QSOX2: variants seen among roughly 807,000 people sequenced by gnomAD.
QSOX2 encodes quiescin sulfhydryl oxidase 2.
QSOX2 carries 46 observed loss-of-function variants against 61.7 expected under a neutral mutation model. The ratio of observed to expected loss-of-function variants is 0.75; its 90% CI spans 0.59 to 0.95. QSOX2 has a LOEUF of 0.95. Among genes scored for constraint, QSOX2 ranks in the 40% least tolerant of loss-of-function variants. The pLI is 0.00. For synonymous variants in QSOX2, 383 were observed against 388.4 expected, an observed-to-expected ratio of 0.99 and a Z score of 0.16; for missense variants, 879 against 918.9, an observed-to-expected ratio of 0.96 and a Z score of 0.56.
At chr9:136,235,263 G>A (rs927901377) in intron 1 of QSOX2, among the ~76,000 whole-genome samples, 2 of 152,256 alleles carry the variant, frequency 1.3e-5, no homozygotes, top group African/African-American at 4.8e-5. Context: ...CCGGAGGAGG[G>A]CCAGGACCAA....
In QSOX2 at chr9:136,207,680, C is replaced by A. The variant is rs1211413563; in HGVS notation, c.*1048G>T. The A allele has an allele frequency of 6.6e-6, 1 of 152,412 alleles. No homozygotes were observed. Among genetic ancestry groups the A allele is most frequent in the Non-Finnish European group, 1.5e-5 (1 of 68,086 alleles). The allele number at this position is 152,412 out of a possible 1,614,324, so 9.4% of individuals were successfully genotyped here. On this transcript the variant is annotated 3_prime_UTR_variant, in exon 12 of 12. Transcript: ENST00000358701. ...CAGGCAAAGGAAGCCTGGCCCCCTC[C>A]GTGGGCCGAGTGAGATGCTTGTGTG...
At chr9:136,220,927 G>A (rs1250960368) in intron 6 of QSOX2, among the ~76,000 whole-genome samples, 1 of 152,120 alleles carries the variant, frequency 6.6e-6, no homozygotes, top group African/African-American at 2.4e-5. Context: ...AGGCTGGTCT[G>A]GAACTCCTAG....
intron 1 of QSOX2, among the ~76,000 whole-genome samples, chr9:136,241,239 C>T (rs1830431221): frequency 6.6e-6 from 1 of 152,224 alleles, no homozygotes; most frequent in Non-Finnish European, 1.5e-5. Flanking sequence ...CACTGCCCAA[C>T]TCTTCCTCCT....
At chr9:136,210,774 T>C in intron 11 of QSOX2, 1 of 985,342 alleles carries the variant, frequency 1.0e-6, no homozygotes, top group Non-Finnish European at 1.2e-6. Context: ...AATCTGCCAC[T>C]GATTTAGGAA....
chr9:136,223,718 C>T lies in QSOX2; in HGVS notation c.675+45G>A. On this transcript the variant is annotated intron_variant, in intron 5 of 11. Transcript: ENST00000358701. The surrounding 1 kb of genome is among the most constrained non-coding windows in gnomAD (Gnocchi z 4.4). ...CTCATCACAGATCCACCGCCAACCC[C>T]AATCACACCACGTGTGACACCTGGA... The T allele has an allele frequency of 6.7e-7, 1 of 1,499,272 alleles. No individual in the cohort carries two copies. The highest frequency in any genetic ancestry group is 9.3e-7 in the Non-Finnish European group (1 of 1,080,020). The allele number at this position is 1,499,272 out of a possible 1,614,324, so 92.9% of individuals were successfully genotyped here.
In QSOX2 at chr9:136,221,755, C is replaced by A; in HGVS notation, c.821+41G>T. ...TACTCGGAGCCTCTGTCCGGTAACT[C>A]CGAGCGGCACGGAGTTCCCAGACCC... On this transcript the variant is annotated intron_variant, in intron 6 of 11. Transcript: ENST00000358701. This position sits in a 1 kb window ranked among gnomAD's most constrained non-coding sequence, Gnocchi z 4.5. The A allele has an allele frequency of 3.2e-6, 5 of 1,550,534 alleles. No individual in the cohort carries two copies. Among genetic ancestry groups the A allele is most frequent in the South Asian group, 1.2e-5 (1 of 81,484 alleles).
intron 1 of QSOX2, among the ~76,000 whole-genome samples, chr9:136,235,671 C>T (rs1003541405): frequency 5.9e-5 from 9 of 152,148 alleles, no homozygotes; most frequent in African/African-American, 2.2e-4. Flanking sequence ...AAGCATAGAG[C>T]GCTGGCATCA....
At chr9:136,229,478 G>T (rs1830311360) in intron 1 of QSOX2, among the ~76,000 whole-genome samples, 1 of 152,136 alleles carries the variant, frequency 6.6e-6, no homozygotes, top group Non-Finnish European at 1.5e-5. Flanking sequence ...TGTTTATTGG[G>T]AATTTCTATA....
chr9:136,238,094 A>G (rs973455603), intron 1 of QSOX2, among the ~76,000 whole-genome samples: 3 of 152,200 alleles, frequency 2.0e-5, no homozygotes, highest in African/African-American at 4.8e-5. Context: ...GGATAAACAC[A>G]CAGATGTCCG....
At position 136,230,139 on chromosome 9, in the gene QSOX2, C is replaced by T. The variant is rs539021040; in HGVS notation, c.329-3265G>A. 6.6e-5 allele frequency among the ~76,000 whole-genome samples: 10 copies of T among 152,206 alleles called. No homozygotes were observed. The South Asian group carries it at 1.9e-3, about 28-fold the overall frequency. On this transcript the variant is annotated intron_variant, in intron 1 of 11. Transcript: ENST00000358701. ...ACTAAAAATACAAAAATTAGCCGGG[C>T]GTGGTGGTGCGTGCCTGTAGTCCCA...
chr9:136,226,443 G>A (rs984700217), intron 2 of QSOX2, among the ~76,000 whole-genome samples: 2 of 152,216 alleles, frequency 1.3e-5, no homozygotes, highest in Non-Finnish European at 2.9e-5. Flanking sequence ...TCAGGCTGGG[G>A]TGCCAGCCCT....
rs375993749 is a variant in QSOX2 at position 136,222,117 on chromosome 9, G to A, written c.676-176C>T. On this transcript the variant is annotated intron_variant, in intron 5 of 11. Coordinates refer to ENST00000358701, the MANE Select transcript of QSOX2 (RefSeq NM_181701.4). The surrounding 1 kb of genome is among the most constrained non-coding windows in gnomAD (Gnocchi z 6.9). ...CTCATTGCACTTTAAGGCAACTGACGGCACACACGCCATGAGCAGAAACCA... is the reference window on the plus strand; with the variant it reads ...CTCATTGCACTTTAAGGCAACTGACAGCACACACGCCATGAGCAGAAACCA... Among the ~76,000 whole-genome samples, 6 of 152,216 alleles carry A rather than the reference G, an allele frequency of 3.9e-5. No individual in the cohort carries two copies. The highest frequency in any genetic ancestry group is 1.9e-4 in the East Asian group (1 of 5,184).
Position 136,222,399 on chromosome 9 carries a change from G to A in QSOX2, c.676-458C>T, listed in dbSNP as rs1485050924. Among the ~76,000 whole-genome samples the A allele has an allele frequency of 6.6e-6, 1 of 152,200 alleles. No individual in the cohort carries two copies. The highest frequency in any genetic ancestry group is 6.5e-5 in the Admixed American group (1 of 15,282). ...TGGTTCTGCTCAGGCTGAAGGGGCA[G>A]CAACAGGGTCTCCGTGGCAGAGAGA... On this transcript the variant is annotated intron_variant, in intron 5 of 11. Transcript: ENST00000358701. The surrounding 1 kb of genome is among the most constrained non-coding windows in gnomAD (Gnocchi z 6.9).
intron 1 of QSOX2, among the ~76,000 whole-genome samples, chr9:136,244,114 C>G (rs1282258291): frequency 2.0e-5 from 3 of 152,184 alleles, no homozygotes; most frequent in Admixed American, 6.5e-5. Flanking sequence ...CTGCCAGGGC[C>G]ACCTGCATTT....
intron 1 of QSOX2, among the ~76,000 whole-genome samples, chr9:136,234,447 C>T (rs1419786937): frequency 5.9e-5 from 9 of 152,146 alleles, no homozygotes; most frequent in Non-Finnish European, 1.3e-4. Context: ...CCTGGAGGGC[C>T]GCCCAGATGT....
At chr9:136,237,597 A>AGCGT (rs1282338522) in intron 1 of QSOX2, among the ~76,000 whole-genome samples, 1 of 133,528 alleles carries the variant, frequency 7.5e-6, no homozygotes, top group African/African-American at 2.9e-5. Context: ...GTCCTGTGCC[A>AGCGT]CACCTGGAGC....
Position 136,221,968 on chromosome 9 carries a change from T to A in QSOX2, c.676-27A>T. On this transcript the variant is annotated intron_variant, in intron 5 of 11. Coordinates refer to ENST00000358701, the MANE Select transcript of QSOX2 (RefSeq NM_181701.4). The surrounding 1 kb of genome is among the most constrained non-coding windows in gnomAD (Gnocchi z 4.5). ...TGGGGGATGAGAACACAATGACACTTCCACAGGGGCTGGCAGTTTCTCAGA... is the reference window on the plus strand; with the variant it reads ...TGGGGGATGAGAACACAATGACACTACCACAGGGGCTGGCAGTTTCTCAGA... 3 of 1,538,620 alleles carry A rather than the reference T, an allele frequency of 1.9e-6. No homozygotes were observed. Among genetic ancestry groups the A allele is most frequent in the Non-Finnish European group, 2.6e-6 (3 of 1,139,036 alleles).
At chr9:136,210,870 G>C in intron 11 of QSOX2, 1 of 985,046 alleles carries the variant, frequency 1.0e-6, no homozygotes, top group Non-Finnish European at 1.2e-6. Context: ...TGAGAGGTTT[G>C]GTTTACGTTT....
chr9:136,235,738 C>T (rs920895789), intron 1 of QSOX2, among the ~76,000 whole-genome samples: 6 of 152,182 alleles, frequency 3.9e-5, no homozygotes, highest in South Asian at 2.1e-4. Context: ...CACACCCAGG[C>T]GACCCGTGGA....
Sources: allele counts gnomAD v4.1 joint callset (sites outside exome capture counted in the v4.1 genomes callset), GRCh38; gene constraint gnomAD v4.1.1; non-coding constraint Gnocchi (gnomAD v3.1); transcripts MANE v1.5; gene names NCBI Gene and HGNC (gene_info 2026-07-23, HGNC 2026-07-21).